CST4: variants seen among roughly 807,000 people sequenced by gnomAD.
CST4 encodes cystatin-S.
In CST4, 17 loss-of-function variants were observed where a neutral mutation model predicts 11.2. The ratio of observed to expected loss-of-function variants is 1.52; its 90% CI spans 1.04 to 2.27. The LOEUF is 2.27. CST4 is among the 30% of genes most tolerant of loss of function. CST4 has a pLI of 0.00. For missense variants in CST4, 251 were observed against 180.2 expected (o/e 1.39, Z -2.25); for synonymous variants, 93 against 70.1 (o/e 1.33, Z -1.63).
At chr20:23,687,708 CT>C (rs1439712687) in intron 1 of CST4, among the ~76,000 whole-genome samples, 2 of 152,322 alleles carry the variant, frequency 1.3e-5, no homozygotes, top group African/African-American at 4.8e-5. Context: ...TAATTGAACC[CT>C]TTCCCTGCAC....
Position 23,685,836 on chromosome 20 carries a change from G to A in CST4, c.*58C>T. On this transcript the variant is annotated 3_prime_UTR_variant, in exon 3 of 3. Transcript: ENST00000217423. ...GTGGGGGCCACCAGTCCAGGGGTGG[G>A]AGCACTACAGTGGGTGGGAGTGGGT... 1.3e-6 allele frequency: 2 copies of A among 1,575,922 alleles called. No homozygotes were observed. Among genetic ancestry groups the A allele is most frequent in the South Asian group, 1.1e-5 (1 of 89,900 alleles).
In CST4 at chr20:23,689,037, G is replaced by T. The variant is rs1981143359; in HGVS notation, c.-68C>A. On this transcript the variant is annotated 5_prime_UTR_variant, in exon 1 of 3. Transcript: ENST00000217423. ...GGAGGGTGAGAGCCCGAGGCAGGGA[G>T]CCCAGACCAGCAGGCAGGTGTGCAT... The T allele has an allele frequency of 3.4e-6, 5 of 1,454,290 alleles. No homozygotes were observed. Among genetic ancestry groups the T allele is most frequent in the Middle Eastern group, 2.0e-4 (1 of 4,896 alleles). The allele number at this position is 1,454,290 out of a possible 1,614,324, so 90.1% of individuals were successfully genotyped here.
chr20:23,687,171 C>T lies in CST4; in HGVS notation c.259G>A (p.Val87Ile), dbSNP rs774067751. 82 of 1,613,934 alleles carry T rather than the reference C, an allele frequency of 5.1e-5. No individual in the cohort carries two copies. The highest frequency in any genetic ancestry group is 4.9e-4 in the Middle Eastern group (3 of 6,084). ...GTACATATGGTGCGGCCCACCTCTACGTCGAAGAAGTAATTCACCCCCCCA... is the reference window on the plus strand; with the variant it reads ...GTACATATGGTGCGGCCCACCTCTATGTCGAAGAAGTAATTCACCCCCCCA... ...TFGGVNYFFD[V>I]EVGRTICTKS... is the part of the protein sequence containing the mutation. The change falls in exon 2 of 3, where the codon GTA becomes ATA. Residue 87 changes from valine to isoleucine, a missense_variant. Physicochemically the swap from Val to Ile is conservative, Grantham distance 29. Transcript: ENST00000217423.
In CST4 at chr20:23,685,896, A is replaced by G. The variant is rs1280891093; in HGVS notation, c.424T>C (p.Ter142GlnextTer80). 2 of 1,613,856 alleles carry G rather than the reference A, an allele frequency of 1.2e-6. No individual in the cohort carries two copies. The highest frequency in any genetic ancestry group is 2.2e-5 in the South Asian group (2 of 91,088). The change falls in exon 3 of 3, where the codon TAG becomes CAG. Residue 142 changes from the stop codon to glutamine, a stop_lost. Coordinates refer to ENST00000217423, the MANE Select transcript of CST4 (RefSeq NM_001899.3). ...SLVNSRCQEA[*>Q] ...TGTGACTGGCCTGGCACAGACCCCT[A>G]GGCTTCTTGACACCTGGAATTCACC...
Position 23,685,844 on chromosome 20 carries a change from C to G in CST4, c.*50G>C. 3 of 1,593,932 alleles carry G rather than the reference C, an allele frequency of 1.9e-6. No homozygotes were observed. The highest frequency in any genetic ancestry group is 1.7e-6 in the Non-Finnish European group (2 of 1,162,408). On this transcript the variant is annotated 3_prime_UTR_variant, in exon 3 of 3. Transcript: ENST00000217423. Reference sequence around the variant, plus strand: ...CACCAGTCCAGGGGTGGGAGCACTACAGTGGGTGGGAGTGGGTGGTGGTCG... The same window carrying G: ...CACCAGTCCAGGGGTGGGAGCACTAGAGTGGGTGGGAGTGGGTGGTGGTCG...
chr20:23,687,617 G>T (rs560466642), intron 1 of CST4, among the ~76,000 whole-genome samples: 5 of 152,342 alleles, frequency 3.3e-5, no homozygotes, highest in African/African-American at 1.2e-4. Flanking sequence ...GGGCCGCCCA[G>T]ATGCCACCAT....
intron 2 of CST4, among the ~76,000 whole-genome samples, chr20:23,686,450 A>C (rs1008480907): frequency 2.0e-5 from 3 of 152,092 alleles, no homozygotes; most frequent in Non-Finnish European, 4.4e-5. Flanking sequence ...ACCTCACAAG[A>C]ACCAGCAGGT....
chr20:23,687,258 A>G, intron 1 of CST4, 57 bp from the exon 2 acceptor site: 2 of 1,571,290 alleles, frequency 1.3e-6, no homozygotes, highest in Non-Finnish European at 1.8e-6. Flanking sequence ...TCATGCACTC[A>G]CAGGCACTTC....
At chr20:23,687,725 C>A (rs1363952139) in intron 1 of CST4, among the ~76,000 whole-genome samples, 1 of 152,218 alleles carries the variant, frequency 6.6e-6, no homozygotes, top group Admixed American at 6.5e-5. Flanking sequence ...TGCACAGGGC[C>A]TCTCCCAGAC....
In CST4 at chr20:23,688,938, A is replaced by C; in HGVS notation, c.32T>G (p.Leu11Arg). Residue 11 changes from leucine to arginine, a missense_variant, in exon 1 of 3, where the codon CTG (leucine) becomes CGG (arginine). Leu to Arg is a moderately radical substitution (Grantham distance 102). Transcript: ENST00000217423. Reference sequence around the variant, plus strand: ...CAGAGCCCCAGCCAGGGTAGCCATCAGGAGTAGCAGGGTACACAGAGGCCG... The same window carrying C: ...CAGAGCCCCAGCCAGGGTAGCCATCCGGAGTAGCAGGGTACACAGAGGCCG... MARPLCTLLLLMATLAGALAS... is the reference protein window; with the variant it reads MARPLCTLLLRMATLAGALAS... 6.2e-7 allele frequency: 1 copy of C among 1,614,146 alleles called. No homozygotes were observed. The highest frequency in any genetic ancestry group is 8.5e-7 in the Non-Finnish European group (1 of 1,180,008).
chr20:23,686,763 C>A, intron 2 of CST4, among the ~76,000 whole-genome samples: 1 of 152,168 alleles, frequency 6.6e-6, no homozygotes, highest in Non-Finnish European at 1.5e-5. Context: ...TAGGCAACTA[C>A]GTAAACTCAC....
rs763965753 is a variant in CST4 at position 23,685,900 on chromosome 20, T to A, written c.420A>T (p.Glu140Asp). The A allele has an allele frequency of 6.2e-7, 1 of 1,614,048 alleles. No homozygotes were observed. The highest frequency in any genetic ancestry group is 8.5e-7 in the Non-Finnish European group (1 of 1,179,894). ...RMSLVNSRCQ[E>D]A Reference sequence around the variant, plus strand: ...ACTGGCCTGGCACAGACCCCTAGGCTTCTTGACACCTGGAATTCACCAGGG... The same window carrying A: ...ACTGGCCTGGCACAGACCCCTAGGCATCTTGACACCTGGAATTCACCAGGG... The change falls in exon 3 of 3, where the codon GAA (glutamate) becomes GAT (aspartate). Residue 140 changes from glutamate (E) to aspartate (D), a missense_variant. Physicochemically the swap from Glu to Asp is conservative, Grantham distance 45. Coordinates refer to ENST00000217423, the MANE Select transcript of CST4 (RefSeq NM_001899.3).
intron 1 of CST4, 65 bp downstream of exon 1, chr20:23,688,677 C>G (rs764165775): frequency 3.2e-5 from 47 of 1,467,050 alleles, no homozygotes; most frequent in African/African-American, 5.6e-5. Context: ...GCTTGGAATG[C>G]TCTTGGGGGT....
intron 1 of CST4, among the ~76,000 whole-genome samples, chr20:23,687,932 C>A (rs993725334): frequency 6.6e-6 from 1 of 152,208 alleles, no homozygotes; most frequent in Non-Finnish European, 1.5e-5. Context: ...GACCATGGCA[C>A]CAGGGAGTGC....
intron 1 of CST4, among the ~76,000 whole-genome samples, chr20:23,688,014 G>A (rs1355884248): frequency 6.6e-6 from 1 of 152,208 alleles, no homozygotes; most frequent in Non-Finnish European, 1.5e-5. Context: ...GGATTCCTTT[G>A]AATTTCTAGA....
In CST4 at chr20:23,688,904, G is replaced by T; in HGVS notation, c.66C>A (p.Ser22Arg). 5 of 1,614,180 alleles carry T rather than the reference G, an allele frequency of 3.1e-6. No individual in the cohort carries two copies. Among genetic ancestry groups the T allele is most frequent in the Non-Finnish European group, 3.4e-6 (4 of 1,180,020 alleles). Reference protein sequence around the residue: ...MATLAGALASSSKEENRIIPG... With the variant: ...MATLAGALASRSKEENRIIPG... The stretch of plus-strand genomic sequence containing the variant: ...GGATTATCCTATTCTCCTCCTTGGA[G>T]CTCGAGGCCAGAGCCCCAGCCAGGG... Residue 22 changes from serine (S) to arginine (R), a missense_variant, in exon 1 of 3, where the codon AGC (serine) becomes AGA (arginine). Ser to Arg is a moderately radical substitution (Grantham distance 110). Transcript: ENST00000217423.
Position 23,686,062 on chromosome 20 carries a change from T to G in CST4, c.343-85A>C, listed in dbSNP as rs536098359. ...CAGGCATGAGATGTCACAGCCTGGG[T>G]GAGGAGGATGGAGGTGAGACACTGC... On this transcript the variant is annotated intron_variant, in intron 2 of 2. Coordinates refer to ENST00000217423, the MANE Select transcript of CST4 (RefSeq NM_001899.3). 2.0e-4 allele frequency: 288 copies of G among 1,414,700 alleles called. 3 individuals carry two copies. The highest frequency in any genetic ancestry group is 7.4e-4 in the East Asian group (32 of 43,508). The allele number at this position is 1,414,700 out of a possible 1,614,324, so 87.6% of individuals were successfully genotyped here.
rs1219566153 is a variant in CST4, at chr20:23,688,392, G to A, written c.228+350C>T. The stretch of plus-strand genomic sequence containing the variant: ...GCCCCTGAGGAGAGGACTCAGGGAG[G>A]AGAATGAGCCTCACCGCCTGGATCT... On this transcript the variant is annotated intron_variant, in intron 1 of 2. Transcript: ENST00000217423. Among the ~76,000 whole-genome samples, 3 of 152,202 alleles carry A rather than the reference G, an allele frequency of 2.0e-5. No homozygotes were observed. The East Asian group carries it at 5.8e-4, about 29-fold the overall frequency.
At chr20:23,687,759 A>G (rs1341442424) in intron 1 of CST4, among the ~76,000 whole-genome samples, 1 of 152,196 alleles carries the variant, frequency 6.6e-6, no homozygotes, top group Non-Finnish European at 1.5e-5. Context: ...GCTGTGGAGA[A>G]ACCTGGGATG....
Sources: gnomAD v4.1 joint callset for allele counts (sites outside exome capture counted in the v4.1 genomes callset) on GRCh38, gnomAD v4.1.1 for gene constraint, MANE v1.5 for transcripts, NCBI Gene and HGNC (gene_info 2026-07-23, HGNC 2026-07-21) for gene names.